ANTXR1: variants seen among roughly 807,000 people sequenced by gnomAD.
ANTXR1 encodes anthrax toxin receptor 1.
A neutral mutation model predicts 78.1 loss-of-function variants in ANTXR1; 19 were observed. The ratio of observed to expected loss-of-function variants is 0.24; its 90% confidence interval spans 0.17 to 0.36. The LOEUF (loss-of-function observed/expected upper bound fraction) is 0.36, where lower values mean the gene tolerates loss of function less well. ANTXR1 is among the 10% of genes least tolerant of loss of function. The pLI is 1.00. For synonymous variants in ANTXR1, 273 were observed against 260.5 expected, an observed-to-expected ratio of 1.05 and a Z score of -0.46; for missense variants, 518 against 718.6, an observed-to-expected ratio of 0.72 and a Z score of 3.19.
intron 17 of ANTXR1, among the ~76,000 whole-genome samples, chr2:69,229,126 A>G (rs1468664852): frequency 6.6e-6 from 1 of 152,102 alleles, no homozygotes; most frequent in Non-Finnish European, 1.5e-5. Context: ...GTTCCTCCCA[A>G]AGACCCCACC....
At chr2:69,093,322 A>C (rs1270772634) in intron 9 of ANTXR1, among the ~76,000 whole-genome samples, 1 of 152,256 alleles carries the variant, frequency 6.6e-6, no homozygotes, top group African/African-American at 2.4e-5. Context: ...AAAATGAAGC[A>C]AAATCTAAAA....
intron 14 of ANTXR1, among the ~76,000 whole-genome samples, chr2:69,175,790 G>A (rs1204205043): frequency 6.6e-6 from 1 of 152,138 alleles, no homozygotes; most frequent in African/African-American, 2.4e-5. Context: ...TGCCCATCCA[G>A]TGAACAATAG....
intron 12 of ANTXR1, chr2:69,145,769 G>C: frequency 9.8e-7 from 1 of 1,015,914 alleles, no homozygotes; most frequent in Non-Finnish European, 1.2e-6. Flanking sequence ...AAACAGAAAG[G>C]AGCAGCAGTG....
chr2:69,200,284 C>A (rs978631240), intron 17 of ANTXR1, among the ~76,000 whole-genome samples: 4 of 152,212 alleles, frequency 2.6e-5, no homozygotes, highest in Admixed American at 2.6e-4. Context: ...GAAACACACA[C>A]GTAAATGTAC....
intron 14 of ANTXR1, among the ~76,000 whole-genome samples, chr2:69,179,959 C>T (rs768819581): frequency 2.0e-5 from 3 of 152,170 alleles, no homozygotes; most frequent in South Asian, 2.1e-4. Context: ...AATCTGAGAG[C>T]GAGCAACCAA....
At chr2:69,171,856 G>C (rs184027570) in intron 14 of ANTXR1, among the ~76,000 whole-genome samples, 1 of 152,226 alleles carries the variant, frequency 6.6e-6, no homozygotes, top group South Asian at 2.1e-4. Context: ...AGGAAGAGAA[G>C]TAGTTGAGTT....
chr2:69,235,974 A>C (rs1045517755), intron 17 of ANTXR1, among the ~76,000 whole-genome samples: 1 of 152,166 alleles, frequency 6.6e-6, no homozygotes, highest in African/African-American at 2.4e-5. Context: ...GACAGGTGAG[A>C]AAGCATGTGA....
intron 8 of ANTXR1, among the ~76,000 whole-genome samples, chr2:69,089,218 G>A (rs1323347075): frequency 1.3e-5 from 2 of 152,338 alleles, no homozygotes; most frequent in Admixed American, 6.5e-5. Context: ...AAGAAGAAAT[G>A]TTGCTTTTGG....
At chr2:69,093,054 A>G (rs1573867370) in intron 9 of ANTXR1, among the ~76,000 whole-genome samples, 2 of 152,360 alleles carry the variant, frequency 1.3e-5, no homozygotes, top group African/African-American at 4.8e-5. Context: ...AAGACAATGA[A>G]CACAATTTCT....
At chr2:69,168,615 CA>C (rs1673895235) in intron 13 of ANTXR1, among the ~76,000 whole-genome samples, 1 of 152,180 alleles carries the variant, frequency 6.6e-6, no homozygotes, top group Admixed American at 6.5e-5. Context: ...CCCAGGAGAA[CA>C]GATGCATTCC....
chr2:69,116,191 A>C (rs190539257), intron 10 of ANTXR1, among the ~76,000 whole-genome samples: 228 of 152,250 alleles, frequency 1.5e-3, no homozygotes, highest in Non-Finnish European at 2.5e-3. Context: ...CACATAGTAC[A>C]TTCCTTTCTA....
At chr2:69,105,358 A>T (rs1490473238) in intron 10 of ANTXR1, among the ~76,000 whole-genome samples, 1 of 152,230 alleles carries the variant, frequency 6.6e-6, no homozygotes, top group African/African-American at 2.4e-5. Flanking sequence ...CTAAGTTTGG[A>T]GAAGATGAAG....
At chr2:69,087,104 G>T (rs546396610) in intron 8 of ANTXR1, among the ~76,000 whole-genome samples, 1 of 152,300 alleles carries the variant, frequency 6.6e-6, no homozygotes, top group African/African-American at 2.4e-5. Flanking sequence ...CTGAGATTTG[G>T]AGGTTTAATA....
chr2:69,220,955 T>C (rs189982674), intron 17 of ANTXR1, among the ~76,000 whole-genome samples: 1 of 152,308 alleles, frequency 6.6e-6, no homozygotes, highest in Non-Finnish European at 1.5e-5. Context: ...GTATGCACCA[T>C]CTTAATAAAA....
At chr2:69,059,053 C>A (rs189463900) in intron 3 of ANTXR1, among the ~76,000 whole-genome samples, 1 of 152,158 alleles carries the variant, frequency 6.6e-6, no homozygotes, top group African/African-American at 2.4e-5. Context: ...TGATTCTTAA[C>A]GATGAGCAAA....
chr2:69,223,703 G>GT (rs1423903305), intron 17 of ANTXR1, among the ~76,000 whole-genome samples: 2 of 152,172 alleles, frequency 1.3e-5, no homozygotes, highest in African/African-American at 4.8e-5. Context: ...AGTGAAGAAG[G>GT]TTTTAATATC....
intron 11 of ANTXR1, 111 bp downstream of exon 11, chr2:69,123,197 C>A (rs1001637616): frequency 1.0e-5 from 12 of 1,161,668 alleles, no homozygotes; most frequent in Non-Finnish European, 1.4e-5. Flanking sequence ...CTCTAGGTTC[C>A]TCCAGCTTAT....
At chr2:69,043,954 T>G (rs1057251228) in intron 2 of ANTXR1, among the ~76,000 whole-genome samples, 3 of 152,130 alleles carry the variant, frequency 2.0e-5, no homozygotes, top group African/African-American at 7.2e-5. Flanking sequence ...AATAGATTGA[T>G]GCTATGACGG....
intron 12 of ANTXR1, among the ~76,000 whole-genome samples, chr2:69,149,241 C>G (rs976930361): frequency 6.6e-6 from 1 of 152,146 alleles, no homozygotes; most frequent in Non-Finnish European, 1.5e-5. Flanking sequence ...CTGAGCCCCC[C>G]GGCTGTCCTC....
Sources: gnomAD v4.1 joint callset for allele counts (sites outside exome capture counted in the v4.1 genomes callset) on GRCh38, gnomAD v4.1.1 for gene constraint, MANE v1.5 for transcripts, NCBI Gene and HGNC (gene_info 2026-07-23, HGNC 2026-07-21) for gene names.